The following OR5M8 variants were observed in gnomAD, a reference collection of about 807,000 sequenced individuals.
The protein encoded by OR5M8 is olfactory receptor 5M8.
For synonymous variants in OR5M8, 163 were observed against 141.5 expected (o/e 1.15, Z -1.08); for missense variants, 445 against 379.3 (o/e 1.17, Z -1.44).
At position 56,490,655 on chromosome 11, in the gene OR5M8, G is replaced by A; in HGVS notation, c.716C>T (p.Thr239Ile). 6.2e-7 allele frequency: 1 copy of A among 1,613,826 alleles called. No individual in the cohort carries two copies. The highest frequency in any genetic ancestry group is 8.5e-7 in the Non-Finnish European group (1 of 1,179,920). ...GACAGCTGTCAGATGGGAGCCACAG[G>A]TAGAAAAAGCTTTTTGCCTGCCCTC... ...STEGRQKAFSTCGSHLTAVTI... is the reference protein window; with the variant it reads ...STEGRQKAFSICGSHLTAVTI... Residue 239 changes from threonine (T) to isoleucine (I), a missense_variant, in exon 1 of 1, where the codon ACC becomes ATC. Coordinates refer to ENST00000327216, the MANE Select transcript of OR5M8 (RefSeq NM_001005282.1).
chr11:56,490,943 A>T lies in OR5M8; in HGVS notation c.428T>A (p.Leu143His). The T allele has an allele frequency of 1.2e-6, 2 of 1,614,024 alleles. No individual in the cohort carries two copies. Among genetic ancestry groups the T allele is most frequent in the Non-Finnish European group, 1.7e-6 (2 of 1,179,940 alleles). Residue 143 changes from leucine (L) to histidine (H), a missense_variant, in exon 1 of 1, where the codon CTC (leucine) becomes CAC (histidine). By Grantham distance (99) the Leu-to-His change is moderately conservative. Coordinates refer to ENST00000327216, the MANE Select transcript of OR5M8 (RefSeq NM_001005282.1). Reference protein sequence around the residue: ...SRMSKSVCSFLITVPYVYGAL... With the variant: ...SRMSKSVCSFHITVPYVYGAL... ...TCCATACACATAAGGCACCGTGATG[A>T]GGAAGGAGCACACACTCTTGGACAT...
chr11:56,490,926 C>G lies in OR5M8; in HGVS notation c.445G>C (p.Val149Leu). ...ATCAGGCCAGTGAGCGCTCCATACA[C>G]ATAAGGCACCGTGATGAGGAAGGAG... ...VCSFLITVPY[V>L]YGALTGLMET... Residue 149 changes from valine (V) to leucine (L), a missense_variant, in exon 1 of 1, where the codon GTG becomes CTG. Coordinates refer to ENST00000327216, the MANE Select transcript of OR5M8 (RefSeq NM_001005282.1). 1 of 1,613,932 alleles carries G rather than the reference C, an allele frequency of 6.2e-7. No homozygotes were observed. Among genetic ancestry groups the G allele is most frequent in the Non-Finnish European group, 8.5e-7 (1 of 1,179,896 alleles).
chr11:56,490,516 G>T lies in OR5M8; in HGVS notation c.855C>A (p.Asn285Lys). 4 of 1,598,276 alleles carry T rather than the reference G, an allele frequency of 2.5e-6. No individual in the cohort carries two copies. Among genetic ancestry groups the T allele is most frequent in the Non-Finnish European group, 3.4e-6 (4 of 1,165,774 alleles). ...VFYTTVIPML[N>K]LIIYSLRNKN... ...TATTTCTAAGGCTATAAATTATAAG[G>T]TTCAGCATAGGGATTACTGTGGTAT... Residue 285 changes from asparagine (N) to lysine (K), a missense_variant, in exon 1 of 1, where the codon AAC (asparagine) becomes AAA (lysine). Transcript: ENST00000327216.
In OR5M8 at chr11:56,491,254, T is replaced by C. The variant is rs780105560; in HGVS notation, c.117A>G (p.Ala39=). 5 of 1,614,150 alleles carry C rather than the reference T, an allele frequency of 3.1e-6. No homozygotes were observed. In the South Asian group the frequency reaches 4.4e-5, roughly 14 times the overall value. Residue 39 remains alanine, a synonymous_variant, in exon 1 of 1, where the codon GCA becomes GCG. Coordinates refer to ENST00000327216, the MANE Select transcript of OR5M8 (RefSeq NM_001005282.1). Reference sequence around the variant, plus strand: ...TGAGGACAATCATGCCAAGGTTCCCTGCCACCGTGACCATGTAAATGGCCA... The same window carrying C: ...TGAGGACAATCATGCCAAGGTTCCCCGCCACCGTGACCATGTAAATGGCCA... ...LFLAIYMVTV[A]GNLGMIVLIQ... is the part of the protein sequence containing the mutation.
chr11:56,491,153 G>A lies in OR5M8; in HGVS notation c.218C>T (p.Ser73Phe), dbSNP rs774868595. 9 of 1,614,130 alleles carry A rather than the reference G, an allele frequency of 5.6e-6. No homozygotes were observed. In the South Asian group the frequency reaches 7.7e-5, roughly 14 times the overall value. Residue 73 changes from serine to phenylalanine, a missense_variant, in exon 1 of 1, where the codon TCT becomes TTT. Transcript: ENST00000327216. ...SHLSFVDLCF[S>F]SNVTPKMLEI... Reference sequence around the variant, plus strand: ...CAGCATCTTTGGAGTCACATTGGAAGAGAAGCACAGATCCACGAAGGATAA... The same window carrying A: ...CAGCATCTTTGGAGTCACATTGGAAAAGAAGCACAGATCCACGAAGGATAA...
In OR5M8 at chr11:56,490,649, C is replaced by A; in HGVS notation, c.722G>T (p.Gly241Val). Reference protein sequence around the residue: ...EGRQKAFSTCGSHLTAVTIFY... With the variant: ...EGRQKAFSTCVSHLTAVTIFY... ...TATAGTGACAGCTGTCAGATGGGAGCCACAGGTAGAAAAAGCTTTTTGCCT... is the reference window on the plus strand; with the variant it reads ...TATAGTGACAGCTGTCAGATGGGAGACACAGGTAGAAAAAGCTTTTTGCCT... Residue 241 changes from glycine (G) to valine (V), a missense_variant, in exon 1 of 1, where the codon GGC becomes GTC. Physicochemically the swap from Gly to Val is moderately radical, Grantham distance 109. Coordinates refer to ENST00000327216, the MANE Select transcript of OR5M8 (RefSeq NM_001005282.1). 6.2e-7 allele frequency: 1 copy of A among 1,613,688 alleles called. No homozygotes were observed. Among genetic ancestry groups the A allele is most frequent in the African/African-American group, 1.3e-5 (1 of 74,886 alleles).
rs146781106 is a variant in OR5M8 at position 56,491,090 on chromosome 11, G to A, written c.281C>T (p.Pro94Leu). Residue 94 changes from proline (P) to leucine (L), a missense_variant, in exon 1 of 1, where the codon CCT becomes CTT. Pro to Leu is a moderately conservative substitution (Grantham distance 98). Coordinates refer to ENST00000327216, the MANE Select transcript of OR5M8 (RefSeq NM_001005282.1). ...AAGGTAACACTGCACAAGACAGGCA[G>A]GATAGGAAATGCTTTTCTTCTCTGA... ...FLSEKKSISY[P>L]ACLVQCYLFI... is the part of the protein sequence containing the mutation. 280 of 1,614,186 alleles carry A rather than the reference G, an allele frequency of 1.7e-4. No homozygotes were observed. The highest frequency in any genetic ancestry group is 9.8e-4 in the Admixed American group (59 of 60,024).
At position 56,490,666 on chromosome 11, in the gene OR5M8, T is replaced by A; in HGVS notation, c.705A>T (p.Lys235Asn). 1 of 1,613,904 alleles carries A rather than the reference T, an allele frequency of 6.2e-7. No homozygotes were observed. Residue 235 changes from lysine to asparagine, a missense_variant, in exon 1 of 1, where the codon AAA becomes AAT. Coordinates refer to ENST00000327216, the MANE Select transcript of OR5M8 (RefSeq NM_001005282.1). ...LKIRSTEGRQKAFSTCGSHLT... is the reference protein window; with the variant it reads ...LKIRSTEGRQNAFSTCGSHLT... ...GATGGGAGCCACAGGTAGAAAAAGC[T>A]TTTTGCCTGCCCTCTGTAGAGCGAA... is the stretch of plus-strand genomic sequence containing the variant.
rs1247546487 is a variant in OR5M8 at position 56,490,703 on chromosome 11, G to A, written c.668C>T (p.Ala223Val). 6.2e-7 allele frequency: 1 copy of A among 1,614,186 alleles called. No individual in the cohort carries two copies. The highest frequency in any genetic ancestry group is 1.7e-5 in the Admixed American group (1 of 60,026). Reference sequence around the variant, plus strand: ...CTCTGTAGAGCGAATCTTTAAAATAGCAGGGAAAATGTAAAGGTAGGAAAT... The same window carrying A: ...CTCTGTAGAGCGAATCTTTAAAATAACAGGGAAAATGTAAAGGTAGGAAAT... ...ICISYLYIFP[A>V]ILKIRSTEGR... The change falls in exon 1 of 1, where the codon GCT becomes GTT. Residue 223 changes from alanine (A) to valine (V), a missense_variant. Ala to Val is a moderately conservative substitution (Grantham distance 64). Transcript: ENST00000327216.
chr11:56,490,835 G>T lies in OR5M8; in HGVS notation c.536C>A (p.Ala179Glu). The change falls in exon 1 of 1, where the codon GCG (alanine) becomes GAG (glutamate). Residue 179 changes from alanine (A) to glutamate (E), a missense_variant. Transcript: ENST00000327216. ...GPNEINHFYC[A>E]DPPLIKLACS... ...AGCCAGCTTAATCAGTGGTGGGTCC[G>T]CACAGTAGAAGTGATTAATTTCATT... The T allele has an allele frequency of 6.2e-7, 1 of 1,614,064 alleles. No homozygotes were observed. The highest frequency in any genetic ancestry group is 8.5e-7 in the Non-Finnish European group (1 of 1,179,964).
Position 56,491,046 on chromosome 11 carries a change from C to A in OR5M8, c.325G>T (p.Val109Phe). 1 of 1,613,992 alleles carries A rather than the reference C, an allele frequency of 6.2e-7. No homozygotes were observed. Among genetic ancestry groups the A allele is most frequent in the Non-Finnish European group, 8.5e-7 (1 of 1,179,998 alleles). The change falls in exon 1 of 1, where the codon GTT becomes TTT. Residue 109 changes from valine (V) to phenylalanine (F), a missense_variant. Physicochemically the swap from Val to Phe is conservative, Grantham distance 50. Coordinates refer to ENST00000327216, the MANE Select transcript of OR5M8 (RefSeq NM_001005282.1). ...QCYLFIALVH[V>F]EIYILAVMAF... ...ATCACAGCCAGGATGTAGATCTCAA[C>A]ATGGACCAAGGCGATAAAAAGGTAA...
chr11:56,490,622 A>G lies in OR5M8; in HGVS notation c.749T>C (p.Phe250Ser). The G allele has an allele frequency of 6.2e-7, 1 of 1,614,058 alleles. No individual in the cohort carries two copies. Among genetic ancestry groups the G allele is most frequent in the South Asian group, 1.1e-5 (1 of 91,056 alleles). Residue 250 changes from phenylalanine to serine, a missense_variant, in exon 1 of 1, where the codon TTC becomes TCC. Phe to Ser is a radical substitution (Grantham distance 155). Coordinates refer to ENST00000327216, the MANE Select transcript of OR5M8 (RefSeq NM_001005282.1). Reference sequence around the variant, plus strand: ...ATACATGAAGAAAAGGGTTGCATAGAATATAGTGACAGCTGTCAGATGGGA... The same window carrying G: ...ATACATGAAGAAAAGGGTTGCATAGGATATAGTGACAGCTGTCAGATGGGA... ...CGSHLTAVTI[F>S]YATLFFMYLR...
In OR5M8 at chr11:56,490,447, T is replaced by C. The variant is rs1565152508; in HGVS notation, c.924A>G (p.Ile308Met). The stretch of plus-strand genomic sequence containing the variant: ...AGAATACTGATTTTTAAGAAAAGTA[T>C]ATCTTCATTGACAGCTCTTTGATTA... ...EALIKELSMKIYFS is the reference protein window; with the variant it reads ...EALIKELSMKMYFS Residue 308 changes from isoleucine (I) to methionine (M), a missense_variant, in exon 1 of 1, where the codon ATA becomes ATG. Coordinates refer to ENST00000327216, the MANE Select transcript of OR5M8 (RefSeq NM_001005282.1). The C allele has an allele frequency of 6.6e-7, 1 of 1,523,764 alleles. No homozygotes were observed. 94.4% of individuals were successfully genotyped at this position (1,523,764 alleles called of 1,614,324 possible). A position where few individuals can be genotyped will look rare whatever the true frequency, so the allele number is the denominator to read the frequency against.
In OR5M8 at chr11:56,490,768, C is replaced by T. The variant is rs1853843059; in HGVS notation, c.603G>A (p.Val201=). 1 of 1,614,138 alleles carries T rather than the reference C, an allele frequency of 6.2e-7. No individual in the cohort carries two copies. ...TYNKELSMFI[V]AGWNLSFSLF... Reference sequence around the variant, plus strand: ...GAGAAAAAGAAAGGTTCCAGCCAGCCACAATAAACATTGACAACTCCTTGT... The same window carrying T: ...GAGAAAAAGAAAGGTTCCAGCCAGCTACAATAAACATTGACAACTCCTTGT... The change falls in exon 1 of 1, where the codon GTG becomes GTA. Residue 201 remains valine (V), a synonymous_variant. Coordinates refer to ENST00000327216, the MANE Select transcript of OR5M8 (RefSeq NM_001005282.1).
Position 56,491,027 on chromosome 11 carries a change from G to A in OR5M8, c.344C>T (p.Ala115Val). The change falls in exon 1 of 1, where the codon GCT becomes GTT. Residue 115 changes from alanine to valine, a missense_variant. Ala to Val is a moderately conservative substitution (Grantham distance 64). Transcript: ENST00000327216. ...CATGTACCGGTCAAAGGCCATCACA[G>A]CCAGGATGTAGATCTCAACATGGAC... ...ALVHVEIYIL[A>V]VMAFDRYMAI... The A allele has an allele frequency of 6.2e-7, 1 of 1,614,146 alleles. No individual in the cohort carries two copies. Among genetic ancestry groups the A allele is most frequent in the Non-Finnish European group, 8.5e-7 (1 of 1,179,976 alleles).
At position 56,491,057 on chromosome 11, in the gene OR5M8, G is replaced by A; in HGVS notation, c.314C>T (p.Ala105Val). The part of the protein sequence containing the change: ...ACLVQCYLFI[A>V]LVHVEIYILA... ...GATGTAGATCTCAACATGGACCAAG[G>A]CGATAAAAAGGTAACACTGCACAAG... is the stretch of plus-strand genomic sequence containing the variant. Residue 105 changes from alanine to valine, a missense_variant, in exon 1 of 1, where the codon GCC becomes GTC. Ala to Val is a moderately conservative substitution (Grantham distance 64). Coordinates refer to ENST00000327216, the MANE Select transcript of OR5M8 (RefSeq NM_001005282.1). The A allele has an allele frequency of 1.2e-6, 2 of 1,613,938 alleles. No individual in the cohort carries two copies. Among genetic ancestry groups the A allele is most frequent in the Non-Finnish European group, 1.7e-6 (2 of 1,179,976 alleles).
chr11:56,490,583 G>C lies in OR5M8; in HGVS notation c.788C>G (p.Ser263Ter). 1 of 1,614,012 alleles carries C rather than the reference G, an allele frequency of 6.2e-7. No individual in the cohort carries two copies. Among genetic ancestry groups the C allele is most frequent in the Non-Finnish European group, 8.5e-7 (1 of 1,179,890 alleles). ...TTTACCCTGTTCAACAGATTCCTTT[G>C]AGGGGGGTCTGAGATACATGAAGAA... Reference protein sequence around the residue: ...TLFFMYLRPPSKESVEQGKMV... With the variant: ...TLFFMYLRPP Residue 263 changes from serine to a stop codon, truncating the protein, a stop_gained, in exon 1 of 1, where the codon TCA becomes TGA. Transcript: ENST00000327216. LOFTEE classifies it low-confidence loss of function (END_TRUNC).
In OR5M8 at chr11:56,490,763, C is replaced by T. The variant is rs1853843007; in HGVS notation, c.608G>A (p.Gly203Asp). The T allele has an allele frequency of 6.2e-7, 1 of 1,614,138 alleles. No homozygotes were observed. Among genetic ancestry groups the T allele is most frequent in the East Asian group, 2.2e-5 (1 of 44,876 alleles). ...NKELSMFIVAGWNLSFSLFII... is the reference protein window; with the variant it reads ...NKELSMFIVADWNLSFSLFII... ...GAAGAGAGAAAAAGAAAGGTTCCAGCCAGCCACAATAAACATTGACAACTC... is the reference window on the plus strand; with the variant it reads ...GAAGAGAGAAAAAGAAAGGTTCCAGTCAGCCACAATAAACATTGACAACTC... Residue 203 changes from glycine (G) to aspartate (D), a missense_variant, in exon 1 of 1, where the codon GGC becomes GAC. By Grantham distance (94) the Gly-to-Asp change is moderately conservative. Transcript: ENST00000327216.
At position 56,491,122 on chromosome 11, in the gene OR5M8, A is replaced by G. The variant is rs568504921; in HGVS notation, c.249T>C (p.Ile83=). The G allele has an allele frequency of 3.7e-6, 6 of 1,614,198 alleles. No individual in the cohort carries two copies. In the African/African-American group the frequency reaches 5.3e-5, roughly 14 times the overall value. The change falls in exon 1 of 1, where the codon ATT becomes ATC. Residue 83 remains isoleucine, a synonymous_variant. Coordinates refer to ENST00000327216, the MANE Select transcript of OR5M8 (RefSeq NM_001005282.1). ...AAATGCTTTTCTTCTCTGAAAGGAAAATCTCCAGCATCTTTGGAGTCACAT... is the reference window on the plus strand; with the variant it reads ...AAATGCTTTTCTTCTCTGAAAGGAAGATCTCCAGCATCTTTGGAGTCACAT... ...SSNVTPKMLE[I]FLSEKKSISY...
Sources: allele counts gnomAD v4.1 joint callset, GRCh38; gene constraint gnomAD v4.1.1; transcripts MANE v1.5; gene names NCBI Gene and HGNC (gene_info 2026-07-23, HGNC 2026-07-21).